NRXN3: variants seen among roughly 807,000 people sequenced by gnomAD.
The protein encoded by NRXN3 is neurexin 3.
Under a neutral mutation model 137.6 loss-of-function variants are expected in NRXN3, and 32 were observed. That is an observed-to-expected ratio of 0.23 (90% CI 0.18 to 0.31). NRXN3 has a LOEUF of 0.31. Ranked by LOEUF, NRXN3 falls within the 10% of genes least tolerant of loss-of-function variation. The pLI is 1.00. For missense variants in NRXN3, 1,574 were observed against 2,062.5 expected (o/e 0.76, Z 4.59); for synonymous variants, 798 against 784.5 (o/e 1.02, Z -0.29).
intron 4 of NRXN3, among the ~76,000 whole-genome samples, chr14:78,309,233 A>G (rs2077683107): frequency 1.3e-5 from 2 of 152,072 alleles, no homozygotes; most frequent in Non-Finnish European, 2.9e-5. Flanking sequence ...ACCTCGTATT[A>G]TATAGCACGT....
intron 4 of NRXN3, among the ~76,000 whole-genome samples, chr14:78,381,222 T>C (rs989188642): frequency 2.0e-5 from 3 of 152,240 alleles, no homozygotes; most frequent in African/African-American, 7.2e-5. Flanking sequence ...CTTCAAGTTC[T>C]AGGGCTAACC....
At chr14:78,820,239 TAC>T (rs1305688213) in intron 10 of NRXN3, among the ~76,000 whole-genome samples, 5 of 148,038 alleles carry the variant, frequency 3.4e-5, no homozygotes, top group Non-Finnish European at 6.0e-5. Context: ...AGTACATATA[TAC>T]ATATATATAT....
At chr14:79,366,937 A>C (rs958613226) in intron 15 of NRXN3, among the ~76,000 whole-genome samples, 11 of 151,940 alleles carry the variant, frequency 7.2e-5, no homozygotes, top group African/African-American at 2.4e-4. Flanking sequence ...AATCTTTTTC[A>C]ATTCATTAAA....
intron 1 of NRXN3, among the ~76,000 whole-genome samples, chr14:78,193,354 T>C (rs4903721): frequency 0.33 from 50,903 of 151,954 alleles, 8,906 homozygotes; most frequent in African/African-American, 0.44. Flanking sequence ...TTTGCTTAAA[T>C]AACTGTAAGT....
intron 15 of NRXN3, among the ~76,000 whole-genome samples, chr14:79,191,008 T>C (rs1008099722): frequency 3.3e-5 from 5 of 152,198 alleles, no homozygotes; most frequent in African/African-American, 1.2e-4. Flanking sequence ...CACTAAGTCA[T>C]GGTCACTGTT....
At chr14:79,331,822 T>C (rs1338805152) in intron 15 of NRXN3, among the ~76,000 whole-genome samples, 2 of 148,484 alleles carry the variant, frequency 1.3e-5, no homozygotes, top group Non-Finnish European at 3.0e-5. Flanking sequence ...CTTTTTAAAG[T>C]TTTAATTAAG....
chr14:79,403,792 G>T (rs2095256918), intron 15 of NRXN3, among the ~76,000 whole-genome samples: 1 of 152,078 alleles, frequency 6.6e-6, no homozygotes, highest in South Asian at 2.1e-4. Flanking sequence ...TTCAACATGG[G>T]TACTGCATGC....
intron 10 of NRXN3, among the ~76,000 whole-genome samples, chr14:78,872,337 ATTAT>A (rs977287711): frequency 2.0e-5 from 3 of 149,278 alleles, no homozygotes; most frequent in African/African-American, 7.3e-5. Flanking sequence ...TTTATGTTGT[ATTAT>A]TTCTTATTTT....
chr14:78,743,155 C>T (rs974464059), intron 8 of NRXN3, among the ~76,000 whole-genome samples: 4 of 152,172 alleles, frequency 2.6e-5, no homozygotes, highest in African/African-American at 9.7e-5. Context: ...CCAGCTTGGT[C>T]ACCTATCACA....
At chr14:79,559,992 G>A (rs1172178197) in intron 16 of NRXN3, among the ~76,000 whole-genome samples, 4 of 151,838 alleles carry the variant, frequency 2.6e-5, no homozygotes, top group Admixed American at 2.0e-4. Flanking sequence ...TGTGTGTAAC[G>A]TCTTGAGTAA....
rs143186414 is a variant in NRXN3, at chr14:79,005,843, G to A, written c.3262+17702G>A. Among the ~76,000 whole-genome samples the A allele has an allele frequency of 6.4e-3, 968 of 152,022 alleles. 5 individuals are homozygous for A. Among genetic ancestry groups the A allele is most frequent in the Non-Finnish European group, 8.2e-3 (558 of 67,986 alleles). On this transcript the variant is annotated intron_variant, in intron 15 of 20. Coordinates refer to ENST00000335750, the MANE Select transcript of NRXN3 (RefSeq NM_001330195.2). ...TTACTTGTACATTTCTTAGAACAGT[G>A]TCGGTCCTCAAAAAAAACGAGTGGG...
At chr14:78,959,085 C>A (rs1160630524) in intron 11 of NRXN3, among the ~76,000 whole-genome samples, 1 of 152,072 alleles carries the variant, frequency 6.6e-6, no homozygotes, top group Non-Finnish European at 1.5e-5. Flanking sequence ...ATTTTATATT[C>A]ATGAGCCTGA....
chr14:78,972,633 G>A (rs910794714), intron 14 of NRXN3, among the ~76,000 whole-genome samples: 3 of 152,056 alleles, frequency 2.0e-5, no homozygotes, highest in South Asian at 2.1e-4. Context: ...AGTCTGATGC[G>A]CCCCTGCCCT....
intron 15 of NRXN3, among the ~76,000 whole-genome samples, chr14:79,208,806 T>G (rs2067190189): frequency 6.6e-6 from 1 of 152,208 alleles, no homozygotes; most frequent in Non-Finnish European, 1.5e-5. Context: ...GAATCAATTT[T>G]CAGAAGCAGA....
intron 15 of NRXN3, among the ~76,000 whole-genome samples, chr14:79,362,841 G>T: frequency 6.6e-6 from 1 of 152,176 alleles, no homozygotes; most frequent in East Asian, 1.9e-4. Context: ...GGGTTGAATG[G>T]CATATGCCGT....
At chr14:79,253,276 C>T (rs904803821) in intron 15 of NRXN3, among the ~76,000 whole-genome samples, 1 of 152,144 alleles carries the variant, frequency 6.6e-6, no homozygotes, top group African/African-American at 2.4e-5. Context: ...AGGTGTTGAA[C>T]CACTACTCGT....
At chr14:78,186,902 C>T (rs1479680518) in intron 1 of NRXN3, among the ~76,000 whole-genome samples, 1 of 152,234 alleles carries the variant, frequency 6.6e-6, no homozygotes, top group East Asian at 1.9e-4. Flanking sequence ...CTTTGATTAT[C>T]AGCTTTGTCA....
chr14:78,330,540 T>G (rs2153569478), intron 4 of NRXN3, among the ~76,000 whole-genome samples: 1 of 152,318 alleles, frequency 6.6e-6, no homozygotes, highest in African/African-American at 2.4e-5. Flanking sequence ...CATATTACAT[T>G]AATCTCAGAG....
At chr14:79,447,783 G>T (rs567443011) in intron 15 of NRXN3, among the ~76,000 whole-genome samples, 1 of 152,170 alleles carries the variant, frequency 6.6e-6, no homozygotes, top group South Asian at 2.1e-4. Flanking sequence ...TTCCAAAACC[G>T]CATAATCCTC....
Sources: gnomAD v4.1 joint callset for allele counts (sites outside exome capture counted in the v4.1 genomes callset) on GRCh38, gnomAD v4.1.1 for gene constraint, MANE v1.5 for transcripts, NCBI Gene and HGNC (gene_info 2026-07-23, HGNC 2026-07-21) for gene names.